The following PRPF40B variants were observed in gnomAD, a reference collection of about 807,000 sequenced individuals.
PRPF40B encodes the protein pre-mRNA-processing factor 40 homolog B.
A neutral mutation model predicts 124.5 loss-of-function variants in PRPF40B; 56 were observed. The observed-to-expected ratio is 0.45, with a 90% CI of 0.36 to 0.56. The LOEUF is 0.56. Ranked by LOEUF, PRPF40B falls within the 20% of genes least tolerant of loss-of-function variation. The pLI, the probability that PRPF40B is intolerant of heterozygous loss-of-function variation, is 0.00. For synonymous variants in PRPF40B, 443 were observed against 426.4 expected, an observed-to-expected ratio of 1.04 and a Z score of -0.48; for missense variants, 1,053 against 1,169.5, an observed-to-expected ratio of 0.90 and a Z score of 1.45.
upstream of PRPF40B, chr12:49,623,531 A>G (rs1940387801): frequency 8.0e-7 from 1 of 1,243,242 alleles, no homozygotes; most frequent in Non-Finnish European, 1.0e-6. Context: ...GGCCTGGCCA[A>G]TCAGAGCGGC....
rs1176470754 is a variant in PRPF40B, at chr12:49,630,602, C to A, written c.61C>A (p.Pro21Thr). Residue 21 changes from proline to threonine, a missense_variant, in exon 2 of 26, where the codon CCC becomes ACC. This residue lies in a region of PRPF40B where 158 missense variants were observed against 117.3 expected (regional missense o/e 1.35). Coordinates refer to ENST00000548825, the MANE Select transcript of PRPF40B (RefSeq NM_001031698.3). Reference sequence around the variant, plus strand: ...AGCGCCTGCCCCCTTCCCACCGGGGCCCCCCATGATGCCACCACCCTTCGT... The same window carrying A: ...AGCGCCTGCCCCCTTCCCACCGGGGACCCCCATGATGCCACCACCCTTCGT... ...PAAPAPFPPG[P>T]PMMPPPFMPP... 7.5e-7 allele frequency: 1 copy of A among 1,338,048 alleles called. No individual in the cohort carries two copies. The highest frequency in any genetic ancestry group is 1.1e-6 in the Non-Finnish European group (1 of 930,718). 82.9% of individuals were successfully genotyped at this position (1,338,048 alleles called of 1,614,324 possible).
chr12:49,638,723 C>T (rs971033966), intron 18 of PRPF40B: 4 of 152,216 alleles, frequency 2.6e-5, no homozygotes, highest in Non-Finnish European at 5.9e-5. Flanking sequence ...CAGTAAAAGT[C>T]TAGCTTAACT....
intron 1 of PRPF40B, among the ~76,000 whole-genome samples, chr12:49,628,002 C>T (rs1940879225): frequency 6.6e-6 from 1 of 152,102 alleles, no homozygotes; most frequent in Non-Finnish European, 1.5e-5. Flanking sequence ...CTGAGGCTCC[C>T]CTGGAGCCTG....
chr12:49,634,731 G>T, intron 12 of PRPF40B, 129 bp downstream of exon 12: 1 of 1,195,918 alleles, frequency 8.4e-7, no homozygotes. Context: ...TTGGGTTGGG[G>T]TGCAAGGGGA....
Position 49,642,752 on chromosome 12 carries a change from C to T in PRPF40B, c.2118+77C>T. 1 of 1,508,382 alleles carries T rather than the reference C, an allele frequency of 6.6e-7. No individual in the cohort carries two copies. Among genetic ancestry groups the T allele is most frequent in the Non-Finnish European group, 9.1e-7 (1 of 1,104,418 alleles). The allele number at this position is 1,508,382 out of a possible 1,614,324, so 93.4% of individuals were successfully genotyped here. A position where few individuals can be genotyped will look rare whatever the true frequency, so the allele number is the denominator to read the frequency against. ...CCAGTTCAACAGAGACCTCAGTGGCCTCCCTCTTACCCTTAGGGCACTCCT... is the reference window on the plus strand; with the variant it reads ...CCAGTTCAACAGAGACCTCAGTGGCTTCCCTCTTACCCTTAGGGCACTCCT... On this transcript the variant is annotated intron_variant, in intron 21 of 25. Transcript: ENST00000548825. This position sits in a 1 kb window ranked among gnomAD's most constrained non-coding sequence, Gnocchi z 5.8.
Position 49,642,099 on chromosome 12 carries a change from C to T in PRPF40B, c.1884+75C>T, listed in dbSNP as rs543476065. The stretch of plus-strand genomic sequence containing the variant: ...GCTCCATTCCTTCTCACTCACTGTC[C>T]CACTGACTATATTCCCAATTCAGGG... On this transcript the variant is annotated intron_variant, in intron 19 of 25. Transcript: ENST00000548825. This position sits in a 1 kb window ranked among gnomAD's most constrained non-coding sequence, Gnocchi z 5.8. The T allele has an allele frequency of 1.2e-6, 2 of 1,602,354 alleles. No individual in the cohort carries two copies. Among genetic ancestry groups the T allele is most frequent in the Non-Finnish European group, 1.7e-6 (2 of 1,171,966 alleles).
chr12:49,623,420 G>T, upstream of PRPF40B: 4 of 520,432 alleles, frequency 7.7e-6, no homozygotes, highest in East Asian at 1.3e-4. Flanking sequence ...GGCCGGGACC[G>T]AACACACCGG....
intron 6 of PRPF40B, 55 bp downstream of exon 6, chr12:49,632,935 GAT>G: frequency 6.2e-7 from 1 of 1,612,326 alleles, no homozygotes; most frequent in African/African-American, 1.3e-5. Context: ...GTGGGGGACT[GAT>G]AGTTAAATCT....
At chr12:49,632,826 T>C (rs766294439) in intron 5 of PRPF40B, 29 bp from the exon 6 acceptor site, 1 of 1,613,976 alleles carries the variant, frequency 6.2e-7, no homozygotes, top group Non-Finnish European at 8.5e-7. Context: ...GAGCAAGGAC[T>C]TAGTATGTAT....
At chr12:49,632,984 C>T (rs1280284082) in intron 6 of PRPF40B, 30 bp from the exon 7 acceptor site, 1 of 1,603,638 alleles carries the variant, frequency 6.2e-7, no homozygotes, top group Non-Finnish European at 8.5e-7. Context: ...GGGGCCTTGA[C>T]CACCATTCTG....
chr12:49,632,457 G>A, intron 4 of PRPF40B, 139 bp from the exon 5 acceptor site: 1 of 889,404 alleles, frequency 1.1e-6, no homozygotes, highest in Non-Finnish European at 1.7e-6. Context: ...AAGGGTGGGG[G>A]AAGCCTGTTA....
chr12:49,626,603 G>A (rs1419649633), intron 1 of PRPF40B, among the ~76,000 whole-genome samples: 1 of 152,190 alleles, frequency 6.6e-6, no homozygotes. Context: ...TGCAAAGAGA[G>A]GAGGAGGGAA....
In PRPF40B at chr12:49,633,951, C is replaced by G. The variant is rs370305035; in HGVS notation, c.671C>G (p.Pro224Arg). 38 of 1,614,248 alleles carry G rather than the reference C, an allele frequency of 2.4e-5. No homozygotes were observed. Among genetic ancestry groups the G allele is most frequent in the Non-Finnish European group, 2.7e-5 (32 of 1,180,042 alleles). The change falls in exon 10 of 26, where the codon CCA becomes CGA. Residue 224 changes from proline (P) to arginine (R), a missense_variant. Pro to Arg is a moderately radical substitution (Grantham distance 103, BLOSUM62 -2). Transcript: ENST00000548825. Reference sequence around the variant, plus strand: ...CCACCTCAGCCACAGCCTGACCCCCCACCTGTGCCTCCTGGCCCCACCCCA... The same window carrying G: ...CCACCTCAGCCACAGCCTGACCCCCGACCTGTGCCTCCTGGCCCCACCCCA... ...PQPPQPQPDPPPVPPGPTPVP... is the reference protein window; with the variant it reads ...PQPPQPQPDPRPVPPGPTPVP...
rs190835288 is a variant in PRPF40B, at chr12:49,636,083, C to T, written c.1426+90C>T. ...GTCTGCCTCACCCCACTCCCCTGTA[C>T]CTCCTGCCCTCCCGGACACCCTAGG... On this transcript the variant is annotated intron_variant, in intron 15 of 25. Transcript: ENST00000548825. The T allele has an allele frequency of 1.5e-4, 228 of 1,510,052 alleles. 2 individuals are homozygous for T. The African/African-American group carries it at 2.8e-3, about 18-fold the overall frequency. The allele number at this position is 1,510,052 out of a possible 1,614,324, so 93.5% of individuals were successfully genotyped here. A position where few individuals can be genotyped will look rare whatever the true frequency, so the allele number is the denominator to read the frequency against.
chr12:49,634,453 A>G lies in PRPF40B; in HGVS notation c.934A>G (p.Lys312Glu). Residue 312 changes from lysine (K) to glutamate (E), a missense_variant and splice_region_variant, in exon 11 of 26, where the codon AAG becomes GAG. This residue lies in a region of PRPF40B where 895 missense variants were observed against 1,052.2 expected (regional missense o/e 0.85). Transcript: ENST00000548825. ...GGCATTCAAGGAACTGCTGAGGGAC[A>G]AGGTGCTGGAGTGGGGCTCCCAGGG... ...KQAFKELLRD[K>E]AVPSNASWEQ... 1 of 1,614,112 alleles carries G rather than the reference A, an allele frequency of 6.2e-7. No individual in the cohort carries two copies.
intron 16 of PRPF40B, 116 bp from the exon 17 acceptor site, chr12:49,637,354 A>T: frequency 1.5e-6 from 1 of 683,974 alleles, no homozygotes; most frequent in South Asian, 1.8e-5. Context: ...TCTTGCCTGC[A>T]TTTCCTCAAT....
chr12:49,628,562 GTT>G (rs1226851283), intron 1 of PRPF40B, among the ~76,000 whole-genome samples: 20 of 134,904 alleles, frequency 1.5e-4, no homozygotes, highest in African/African-American at 1.9e-4. Context: ...GCCAGGAACA[GTT>G]TTTTTTTTTT....
chr12:49,630,572 C>CA lies in PRPF40B; in HGVS notation c.31_32insA (p.Pro11HisfsTer112). 7.0e-7 allele frequency: 1 copy of CA among 1,419,402 alleles called. No individual in the cohort carries two copies. The highest frequency in any genetic ancestry group is 9.9e-7 in the Non-Finnish European group (1 of 1,010,178). The allele number at this position is 1,419,402 out of a possible 1,614,324, so 87.9% of individuals were successfully genotyped here. On this transcript the variant is annotated frameshift_variant, in exon 2 of 26. Transcript: ENST00000548825. LOFTEE classifies it high-confidence loss of function. ...GGTTCCCGATTCTGGTCCCCGGCCC[C>CA]CAGCAGCGCCTGCCCCCTTCCCACC...
intron 15 of PRPF40B, chr12:49,636,364 A>G: frequency 4.9e-6 from 2 of 407,202 alleles, no homozygotes; most frequent in Non-Finnish European, 8.9e-6. Context: ...GCCTGTAATT[A>G]CTGATGATAC....
Sources: gnomAD v4.1 joint callset for allele counts (sites outside exome capture counted in the v4.1 genomes callset) on GRCh38, gnomAD v4.1.1 for gene constraint, gnomAD v4.1.1 regional missense constraint, Gnocchi (gnomAD v3.1) non-coding constraint, MANE v1.5 for transcripts, NCBI Gene and HGNC (gene_info 2026-07-23, HGNC 2026-07-21) for gene names.